KLK5: variants seen among roughly 807,000 people sequenced by gnomAD.
The protein encoded by KLK5 is kallikrein-5.
Under a neutral mutation model 24.0 loss-of-function variants are expected in KLK5, and 18 were observed. The ratio of observed to expected loss-of-function variants is 0.75; its 90% CI spans 0.52 to 1.11. The LOEUF is 1.11. Ranked by LOEUF, KLK5 falls within the 50% of genes most tolerant of loss-of-function variation. KLK5 has a pLI of 0.00. For synonymous variants in KLK5, 140 were observed against 154.0 expected (o/e 0.91, Z 0.67); for missense variants, 374 against 379.2 (o/e 0.99, Z 0.11).
chr19:50,946,895 G>A (rs532437552), intron 5 of KLK5, among the ~76,000 whole-genome samples: 6 of 151,884 alleles, frequency 4.0e-5, no homozygotes, highest in African/African-American at 7.2e-5. Context: ...TTTCCCCCTC[G>A]CAACCCACCC....
chr19:50,946,628 C>T (rs975664437), intron 5 of KLK5, among the ~76,000 whole-genome samples: 4 of 151,808 alleles, frequency 2.6e-5, no homozygotes, highest in African/African-American at 9.7e-5. Context: ...GGTGCAACCT[C>T]GGCTCACTGC....
chr19:50,949,723 T>G, intron 3 of KLK5, 132 bp downstream of exon 3: 1 of 268,992 alleles, frequency 3.7e-6, no homozygotes, highest in Non-Finnish European at 5.3e-6. Context: ...AACCCTCACC[T>G]TCCATGACAC....
rs762343659 is a variant in KLK5, at chr19:50,952,607, TGTG to T, written c.48_50del (p.Thr17del). On this transcript the variant is annotated inframe_deletion, in exon 2 of 6. Coordinates refer to ENST00000336334, the MANE Select transcript of KLK5 (RefSeq NM_012427.5). Reference sequence around the variant, plus strand: ...TACCTGTGACCCCCAGAAGCAAGGCTGTGATCAGAGCACAGAGCACCCACATCC... The same window carrying T: ...TACCTGTGACCCCCAGAAGCAAGGCTATCAGAGCACAGAGCACCCACATCC... 6.2e-7 allele frequency: 1 copy of T among 1,607,268 alleles called. No individual in the cohort carries two copies. Among genetic ancestry groups the T allele is most frequent in the African/African-American group, 1.3e-5 (1 of 74,678 alleles).
rs776874861 is a variant in KLK5 at position 50,948,851 on chromosome 19, A to G, written c.592+8T>C. ...TGGGTCGGTATCAAGAAGAACCTGG[A>G]CACTCACCTTGGGGGCTCTTGGTTG... is the stretch of plus-strand genomic sequence containing the variant. On this transcript the variant is annotated splice_region_variant and intron_variant, in intron 4 of 5. Transcript: ENST00000336334. The G allele has an allele frequency of 3.1e-6, 5 of 1,614,018 alleles. No homozygotes were observed. The Admixed American group carries it at 8.3e-5, about 27-fold the overall frequency.
chr19:50,948,337 A>G (rs268904), intron 5 of KLK5, among the ~76,000 whole-genome samples: 64,306 of 151,780 alleles, frequency 0.42, 13,877 homozygotes, highest in African/African-American at 0.49. Flanking sequence ...TGGCCAGGCT[A>G]GTCTCAAACT....
rs1253239942 is a variant in KLK5 at position 50,948,942 on chromosome 19, C to G, written c.509G>C (p.Arg170Thr). The change falls in exon 4 of 6, where the codon AGA becomes ACA. Residue 170 changes from arginine to threonine, a missense_variant. By Grantham distance (71) the Arg-to-Thr change is moderately conservative. Transcript: ENST00000336334. ...NRRIRPTKDV[R>T]PINVSSHCPS... is the part of the protein sequence containing the mutation. ...ACAATGAGAGGAGACGTTGATGGGT[C>G]TGACATCTTTAGTGGGACGAATTCT... The G allele has an allele frequency of 1.2e-6, 2 of 1,614,038 alleles. No homozygotes were observed. The highest frequency in any genetic ancestry group is 8.5e-7 in the Non-Finnish European group (1 of 1,180,000).
At position 50,948,673 on chromosome 19, in the gene KLK5, G is replaced by C; in HGVS notation, c.693C>G (p.Cys231Trp). The C allele has an allele frequency of 6.2e-7, 1 of 1,614,126 alleles. No homozygotes were observed. Among genetic ancestry groups the C allele is most frequent in the Non-Finnish European group, 8.5e-7 (1 of 1,180,026 alleles). The change falls in exon 5 of 6, where the codon TGC (cysteine) becomes TGG (tryptophan). Residue 231 changes from cysteine (C) to tryptophan (W), a missense_variant. By Grantham distance (215) the Cys-to-Trp change is radical. Transcript: ENST00000336334. ...AGTCTCTACCTGCTTTGTCACCGGC[G>C]CAGAACATGGTGTCATCTATCTGTC... ...YPRQIDDTMF[C>W]AGDKAGRDSC...
Position 50,947,158 on chromosome 19 carries a change from C to G in KLK5, c.726+1482G>C, listed in dbSNP as rs1038402432. ...GTAACAGTTTGATTTTAAATTCTGT[C>G]TTCCTCAACAGATACAGCTTCCATT... On this transcript the variant is annotated intron_variant, in intron 5 of 5. Coordinates refer to ENST00000336334, the MANE Select transcript of KLK5 (RefSeq NM_012427.5). The surrounding 1 kb of genome is among the most constrained non-coding windows in gnomAD (Gnocchi z 8.7). Among the ~76,000 whole-genome samples, 1 of 152,180 alleles carries G rather than the reference C, an allele frequency of 6.6e-6. No homozygotes were observed. The highest frequency in any genetic ancestry group is 6.5e-5 in the Admixed American group (1 of 15,270).
chr19:50,950,577 T>C (rs1048050525), intron 2 of KLK5, among the ~76,000 whole-genome samples: 6 of 151,980 alleles, frequency 3.9e-5, no homozygotes, highest in Non-Finnish European at 8.8e-5. Flanking sequence ...CAGGGTTACA[T>C]GTTAGAGTCT....
chr19:50,952,793 G>T lies in KLK5; in HGVS notation c.-58C>A. The T allele has an allele frequency of 1.8e-6, 1 of 568,376 alleles. No individual in the cohort carries two copies. The highest frequency in any genetic ancestry group is 3.0e-6 in the Non-Finnish European group (1 of 330,240). 35.2% of individuals were successfully genotyped at this position (568,376 alleles called of 1,614,324 possible). ...GAACCACAAGGACGGGCCACCATCGGCACTGCGCTGAGACCCAGGCACTAT... is the reference window on the plus strand; with the variant it reads ...GAACCACAAGGACGGGCCACCATCGTCACTGCGCTGAGACCCAGGCACTAT... On this transcript the variant is annotated 5_prime_UTR_variant, in exon 1 of 6. Coordinates refer to ENST00000336334, the MANE Select transcript of KLK5 (RefSeq NM_012427.5).
Position 50,943,658 on chromosome 19 carries a change from G to A in KLK5, c.855C>T (p.Ile285=). 1.9e-6 allele frequency: 3 copies of A among 1,614,020 alleles called. No individual in the cohort carries two copies. Among genetic ancestry groups the A allele is most frequent in the Non-Finnish European group, 2.5e-6 (3 of 1,179,946 alleles). ...AGGAGTTGGCCTGGATGGTTTCCTGGATCCACTTGGTGAACTTGCAGAGGT... is the reference window on the plus strand; with the variant it reads ...AGGAGTTGGCCTGGATGGTTTCCTGAATCCACTTGGTGAACTTGCAGAGGT... ...YTNLCKFTKW[I]QETIQANS Residue 285 remains isoleucine (I), a synonymous_variant, in exon 6 of 6, where the codon ATC becomes ATT. Transcript: ENST00000336334.
intron 2 of KLK5, 101 bp from the exon 3 acceptor site, chr19:50,950,217 G>C (rs2090675524): frequency 8.6e-7 from 1 of 1,159,158 alleles, no homozygotes; most frequent in East Asian, 2.4e-5. Flanking sequence ...GTGGGTGTCT[G>C]ACATGCTGAG....
intron 3 of KLK5, 102 bp downstream of exon 3, chr19:50,949,753 T>A: frequency 9.9e-6 from 4 of 403,274 alleles, no homozygotes; most frequent in Non-Finnish European, 1.2e-5. Flanking sequence ...CACTTCCCCG[T>A]CCCCACCAGC....
rs2090699712 is a variant in KLK5, at chr19:50,952,808, C to T, written c.-73G>A. On this transcript the variant is annotated 5_prime_UTR_variant, in exon 1 of 6. Coordinates refer to ENST00000336334, the MANE Select transcript of KLK5 (RefSeq NM_012427.5). ...GCCACCATCGGCACTGCGCTGAGAC[C>T]CAGGCACTATAGAATTCAGAAGATA... The T allele has an allele frequency of 5.7e-6, 3 of 524,882 alleles. No homozygotes were observed. The highest frequency in any genetic ancestry group is 3.9e-5 in the African/African-American group (2 of 50,934). The allele number at this position is 524,882 out of a possible 1,614,324, so 32.5% of individuals were successfully genotyped here. A position where few individuals can be genotyped will look rare whatever the true frequency, so the allele number is the denominator to read the frequency against.
chr19:50,951,666 A>C (rs2090688888), intron 2 of KLK5, among the ~76,000 whole-genome samples: 1 of 152,166 alleles, frequency 6.6e-6, no homozygotes, highest in South Asian at 2.1e-4. Flanking sequence ...CCAAGCACGC[A>C]CGCAGTTCTG....
Position 50,948,723 on chromosome 19 carries a change from T to C in KLK5, c.643A>G (p.Lys215Glu). 6.2e-7 allele frequency: 1 copy of C among 1,614,148 alleles called. No homozygotes were observed. The highest frequency in any genetic ancestry group is 1.1e-5 in the South Asian group (1 of 91,088). Residue 215 changes from lysine to glutamate, a missense_variant, in exon 5 of 6, where the codon AAA (lysine) becomes GAA (glutamate). Physicochemically the swap from Lys to Glu is moderately conservative, Grantham distance 56 (BLOSUM62 1). Coordinates refer to ENST00000336334, the MANE Select transcript of KLK5 (RefSeq NM_012427.5). ...CTCGGGTAAGCATCCTCGCACCTTTTCTGACTTAGCACGCTGATATTCAAG... is the reference window on the plus strand; with the variant it reads ...CTCGGGTAAGCATCCTCGCACCTTTCCTGACTTAGCACGCTGATATTCAAG... ...QCLNISVLSQ[K>E]RCEDAYPRQI...
In KLK5 at chr19:50,948,869, C is replaced by G; in HGVS notation, c.582G>C (p.Lys194Asn). 1.2e-6 allele frequency: 2 copies of G among 1,614,078 alleles called. No homozygotes were observed. Among genetic ancestry groups the G allele is most frequent in the East Asian group, 4.5e-5 (2 of 44,874 alleles). ...KCLVSGWGTT[K>N]SPQVHFPKVL... is the part of the protein sequence containing the mutation. Reference sequence around the variant, plus strand: ...AACCTGGACACTCACCTTGGGGGCTCTTGGTTGTCCCCCAGCCAGACACCA... The same window carrying G: ...AACCTGGACACTCACCTTGGGGGCTGTTGGTTGTCCCCCAGCCAGACACCA... The change falls in exon 4 of 6, where the codon AAG becomes AAC. Residue 194 changes from lysine to asparagine, a missense_variant. By Grantham distance (94) the Lys-to-Asn change is moderately conservative. Coordinates refer to ENST00000336334, the MANE Select transcript of KLK5 (RefSeq NM_012427.5).
At position 50,945,102 on chromosome 19, in the gene KLK5, CT is replaced by C. The variant is rs1373653465; in HGVS notation, c.727-1317del. On this transcript the variant is annotated intron_variant, in intron 5 of 5. Coordinates refer to ENST00000336334, the MANE Select transcript of KLK5 (RefSeq NM_012427.5). Reference sequence around the variant, plus strand: ...TTCTCTCTCCTTCCTCCCTTCGTCTCTTTTTTTTTTCTTTCTGACAAAAACG... The same window carrying C: ...TTCTCTCTCCTTCCTCCCTTCGTCTCTTTTTTTTTCTTTCTGACAAAAACG... Among the ~76,000 whole-genome samples, 15 of 143,260 alleles carry C rather than the reference CT, an allele frequency of 1.0e-4. 1 individual carries two copies. The highest frequency in any genetic ancestry group is 2.1e-4 in the East Asian group (1 of 4,828). 94.0% of individuals were successfully genotyped at this position (143,260 alleles called of 152,430 possible).
rs201013044 is a variant in KLK5 at position 50,952,671 on chromosome 19, G to C, written c.-11-3C>G. On this transcript the variant is annotated splice_region_variant and splice_polypyrimidine_tract_variant and intron_variant, in intron 1 of 5. Transcript: ENST00000336334. Reference sequence around the variant, plus strand: ...TGCTGTAGCCATGGCCGCTGCACCTGGATGGGGAATGTCAGAGGGTTGGGA... The same window carrying C: ...TGCTGTAGCCATGGCCGCTGCACCTCGATGGGGAATGTCAGAGGGTTGGGA... 1.4e-5 allele frequency: 23 copies of C among 1,590,116 alleles called. No individual in the cohort carries two copies. Among genetic ancestry groups the C allele is most frequent in the South Asian group, 1.0e-4 (9 of 87,912 alleles).
Sources: allele counts gnomAD v4.1 joint callset (sites outside exome capture counted in the v4.1 genomes callset), GRCh38; gene constraint gnomAD v4.1.1; non-coding constraint Gnocchi (gnomAD v3.1); transcripts MANE v1.5; gene names NCBI Gene and HGNC (gene_info 2026-07-23, HGNC 2026-07-21).